GRIN3A: variants seen among roughly 807,000 people sequenced by gnomAD.
GRIN3A encodes the protein glutamate receptor ionotropic, NMDA 3A.
Under a neutral mutation model 92.4 loss-of-function variants are expected in GRIN3A, and 47 were observed. The observed-to-expected ratio is 0.51, with a 90% CI of 0.40 to 0.65. The LOEUF (loss-of-function observed/expected upper bound fraction) is 0.65. GRIN3A is among the 30% of genes least tolerant of loss of function. GRIN3A has a pLI of 0.00. For missense variants in GRIN3A, 1,324 were observed against 1,393.1 expected, an observed-to-expected ratio of 0.95 and a Z score of 0.79; for synonymous variants, 527 against 540.6, an observed-to-expected ratio of 0.97 and a Z score of 0.35.
chr9:101,671,727 A>T (rs1175064413), intron 2 of GRIN3A, among the ~76,000 whole-genome samples: 1 of 152,178 alleles, frequency 6.6e-6, no homozygotes, highest in African/African-American at 2.4e-5. Flanking sequence ...TGCATGTTGG[A>T]TCTCATCCAT....
At chr9:101,690,449 G>T (rs1243202930) in intron 1 of GRIN3A, among the ~76,000 whole-genome samples, 1 of 152,094 alleles carries the variant, frequency 6.6e-6, no homozygotes, top group Non-Finnish European at 1.5e-5. Context: ...AATAGGGCAG[G>T]AAATATGGCT....
intron 6 of GRIN3A, chr9:101,603,158 G>A (rs112048709): frequency 2.6e-5 from 4 of 152,188 alleles, no homozygotes; most frequent in African/African-American, 4.8e-5. Flanking sequence ...TATAACATAC[G>A]TAAGCAATAC....
At chr9:101,731,615 G>A (rs989873468) in intron 1 of GRIN3A, among the ~76,000 whole-genome samples, 1 of 152,116 alleles carries the variant, frequency 6.6e-6, no homozygotes, top group African/African-American at 2.4e-5. Flanking sequence ...CAATGTCAAA[G>A]TTTACTCCTC....
Position 101,573,285 on chromosome 9 carries a change from G to A in GRIN3A, c.3237C>T (p.Leu1079=), listed in dbSNP as rs539439461. Residue 1079 remains leucine (L), a synonymous_variant, in exon 9 of 9, where the codon CTC becomes CTT. Coordinates refer to ENST00000361820, the MANE Select transcript of GRIN3A (RefSeq NM_133445.3). The part of the protein sequence containing the change: ...NVSRNSVMQE[L]SELEKQIQVI... Reference sequence around the variant, plus strand: ...CCTGAATCTGCTTCTCGAGCTCTGAGAGTTCCTGCATCACTGAGTTCCGAG... The same window carrying A: ...CCTGAATCTGCTTCTCGAGCTCTGAAAGTTCCTGCATCACTGAGTTCCGAG... The A allele has an allele frequency of 8.0e-5, 129 of 1,614,068 alleles. 1 individual carries two copies. In the South Asian group the frequency reaches 8.3e-4, roughly 10 times the overall value.
chr9:101,640,915 C>A (rs1828851735), intron 3 of GRIN3A, among the ~76,000 whole-genome samples: 1 of 152,026 alleles, frequency 6.6e-6, no homozygotes, highest in Non-Finnish European at 1.5e-5. Flanking sequence ...CTCGGTATGT[C>A]TTTATCAGCA....
At chr9:101,657,033 T>C (rs1031019190) in intron 3 of GRIN3A, among the ~76,000 whole-genome samples, 1 of 151,934 alleles carries the variant, frequency 6.6e-6, no homozygotes, top group Non-Finnish European at 1.5e-5. Context: ...GTAACCCATA[T>C]AGAAAACAGG....
At chr9:101,729,485 C>T (rs540602563) in intron 1 of GRIN3A, among the ~76,000 whole-genome samples, 3 of 152,208 alleles carry the variant, frequency 2.0e-5, no homozygotes, top group Non-Finnish European at 4.4e-5. Flanking sequence ...CTCCAGTCTC[C>T]GCTTCCTTTA....
In GRIN3A at chr9:101,670,591, T is replaced by G. The variant is rs942142; in HGVS notation, c.1821A>C (p.Ala607=). The G allele has an allele frequency of 0.38, 620,548 of 1,613,588 alleles. 122,953 individuals carry two copies. Among genetic ancestry groups the G allele is most frequent in the Non-Finnish European group, 0.41 (483,431 of 1,179,752 alleles). ...GCCCAGTCCAGTGCCCATTTTTCCA[T>G]GCTCCATACTTTCCATCCCCTACAA... is the stretch of plus-strand genomic sequence containing the variant. ...LYIVGDGKYG[A]WKNGHWTGLV... is the part of the protein sequence containing the mutation. Residue 607 remains alanine, a synonymous_variant, in exon 3 of 9, where the codon GCA becomes GCC. Transcript: ENST00000361820.
At chr9:101,608,816 C>A (rs577831412) in intron 6 of GRIN3A, among the ~76,000 whole-genome samples, 4 of 152,244 alleles carry the variant, frequency 2.6e-5, no homozygotes, top group Admixed American at 2.6e-4. Context: ...AGCCATCATA[C>A]TATATTGTAT....
chr9:101,676,556 A>ATT (rs140145481), intron 2 of GRIN3A, among the ~76,000 whole-genome samples: 1 of 149,504 alleles, frequency 6.7e-6, no homozygotes, highest in African/African-American at 2.5e-5. Flanking sequence ...AGCTCTATCA[A>ATT]TTTTTTTTTT....
intron 1 of GRIN3A, among the ~76,000 whole-genome samples, chr9:101,699,463 T>G (rs1439742373): frequency 6.6e-6 from 1 of 152,224 alleles, no homozygotes; most frequent in Non-Finnish European, 1.5e-5. Flanking sequence ...TCAACTCCAT[T>G]ATAATTTATA....
At chr9:101,611,376 C>A (rs1015381298) in intron 6 of GRIN3A, among the ~76,000 whole-genome samples, 2 of 151,972 alleles carry the variant, frequency 1.3e-5, no homozygotes, top group Non-Finnish European at 2.9e-5. Flanking sequence ...ATAAGGATAC[C>A]CATAATTGAA....
chr9:101,594,735 C>G, intron 6 of GRIN3A: 2 of 1,614,066 alleles, frequency 1.2e-6, no homozygotes, highest in Non-Finnish European at 1.7e-6. Flanking sequence ...CCGTCGGTGT[C>G]GAAGACGTCG....
intron 2 of GRIN3A, 109 bp downstream of exon 2, chr9:101,686,487 A>T: frequency 8.5e-7 from 1 of 1,182,502 alleles, no homozygotes; most frequent in Non-Finnish European, 1.3e-6. Context: ...ATATTATTAA[A>T]GTTTAAAGCT....
chr9:101,728,044 T>G (rs1482147994), intron 1 of GRIN3A, among the ~76,000 whole-genome samples: 2 of 152,052 alleles, frequency 1.3e-5, no homozygotes, highest in Non-Finnish European at 2.9e-5. Context: ...TTATTACATT[T>G]ACAATATATA....
At chr9:101,716,749 C>G (rs1829952778) in intron 1 of GRIN3A, among the ~76,000 whole-genome samples, 1 of 152,148 alleles carries the variant, frequency 6.6e-6, no homozygotes, top group Admixed American at 6.5e-5. Flanking sequence ...CTTGATATTT[C>G]CTAGTCCAGA....
At chr9:101,611,124 A>G (rs973594042) in intron 6 of GRIN3A, among the ~76,000 whole-genome samples, 32 of 151,268 alleles carry the variant, frequency 2.1e-4, no homozygotes, top group Admixed American at 4.6e-4. Flanking sequence ...CCAACCAACC[A>G]AACAAAAAAA....
At chr9:101,601,295 A>G (rs1828207256) in intron 6 of GRIN3A, among the ~76,000 whole-genome samples, 1 of 152,248 alleles carries the variant, frequency 6.6e-6, no homozygotes, top group African/African-American at 2.4e-5. Context: ...GTCTCTACCC[A>G]GTAGGGAAAG....
chr9:101,573,400 C>A lies in GRIN3A; in HGVS notation c.3122G>T (p.Arg1041Leu). Reference sequence around the variant, plus strand: ...AGGGAGGGGGATGTCCTGGTGGATCCGGATGCCCAGCTGGTTTTGTCCTTC... The same window carrying A: ...AGGGAGGGGGATGTCCTGGTGGATCAGGATGCCCAGCTGGTTTTGTCCTTC... ...DEEGQNQLGI[R>L]IHQDIPLPPR... The change falls in exon 9 of 9, where the codon CGG (arginine) becomes CTG (leucine). Residue 1041 changes from arginine (R) to leucine (L), a missense_variant. Transcript: ENST00000361820. The A allele has an allele frequency of 1.2e-6, 2 of 1,613,798 alleles. No individual in the cohort carries two copies. Among genetic ancestry groups the A allele is most frequent in the African/African-American group, 2.7e-5 (2 of 74,940 alleles).
Sources: allele counts gnomAD v4.1 joint callset (sites outside exome capture counted in the v4.1 genomes callset), GRCh38; gene constraint gnomAD v4.1.1; transcripts MANE v1.5; gene names NCBI Gene and HGNC (gene_info 2026-07-23, HGNC 2026-07-21).